Variants in SORCS1 observed in about 807,000 individuals in gnomAD.
SORCS1 encodes the protein VPS10 domain-containing receptor SorCS1.
In SORCS1, 60 loss-of-function variants were observed where a neutral mutation model predicts 146.1. That is an observed-to-expected ratio of 0.41 (90% CI 0.33 to 0.51). The LOEUF (loss-of-function observed/expected upper bound fraction) is 0.51. Among genes scored for constraint, SORCS1 ranks in the 20% least tolerant of loss-of-function variants. The pLI, the probability that SORCS1 is intolerant of heterozygous loss-of-function variation, is 0.21. For missense variants in SORCS1, 1,352 were observed against 1,487.6 expected (o/e 0.91, Z 1.50); for synonymous variants, 637 against 584.0 (o/e 1.09, Z -1.31).
chr10:106,655,321 A>T (rs2135300583), intron 17 of SORCS1, among the ~76,000 whole-genome samples: 1 of 152,292 alleles, frequency 6.6e-6, no homozygotes, highest in South Asian at 2.1e-4. Context: ...ATGACCAGTG[A>T]TGTCACCCAG....
intron 1 of SORCS1, among the ~76,000 whole-genome samples, chr10:107,145,316 T>C (rs951307649): frequency 2.6e-5 from 4 of 152,182 alleles, no homozygotes; most frequent in Non-Finnish European, 4.4e-5. Flanking sequence ...ATGAGGAGCC[T>C]GGAGAAAGGC....
At chr10:106,794,934 C>G (rs1337192347) in intron 3 of SORCS1, among the ~76,000 whole-genome samples, 1 of 152,206 alleles carries the variant, frequency 6.6e-6, no homozygotes, top group African/African-American at 2.4e-5. Context: ...AGATCATAAA[C>G]TTAACCAGGG....
chr10:107,014,160 G>A (rs113441828), intron 1 of SORCS1, among the ~76,000 whole-genome samples: 5,798 of 151,638 alleles, frequency 0.038, 164 homozygotes, highest in Non-Finnish European at 0.053. Context: ...GCTGAGGCAG[G>A]AGAATTGCTT....
intron 1 of SORCS1, among the ~76,000 whole-genome samples, chr10:106,990,170 A>G (rs1213957812): frequency 5.9e-5 from 9 of 152,104 alleles, no homozygotes; most frequent in Non-Finnish European, 1.5e-5. Flanking sequence ...GGAGACTGTT[A>G]CTCTCCTAAC....
chr10:107,099,040 A>C (rs1018393902), intron 1 of SORCS1, among the ~76,000 whole-genome samples: 1 of 152,214 alleles, frequency 6.6e-6, no homozygotes, highest in African/African-American at 2.4e-5. Flanking sequence ...TCCATTAATT[A>C]AGGAAGTTTC....
intron 1 of SORCS1, among the ~76,000 whole-genome samples, chr10:107,081,452 C>T (rs755499946): frequency 2.4e-4 from 36 of 152,310 alleles, no homozygotes; most frequent in South Asian, 1.9e-3. Flanking sequence ...ACAAGACTTT[C>T]CATTTAGAGA....
rs1038845435 is a variant in SORCS1 at position 106,937,265 on chromosome 10, G to A, written c.626+19248C>T. 1.3e-5 allele frequency among the ~76,000 whole-genome samples: 2 copies of A among 151,550 alleles called. 1 individual carries two copies. Among genetic ancestry groups the A allele is most frequent in the Admixed American group, 1.3e-4 (2 of 15,226 alleles). Reference sequence around the variant, plus strand: ...GCTCACTGCACCCTCCGCCTCCCAGGTTCAAGCAATTCTCCTGCCTCAGCC... The same window carrying A: ...GCTCACTGCACCCTCCGCCTCCCAGATTCAAGCAATTCTCCTGCCTCAGCC... On this transcript the variant is annotated intron_variant, in intron 2 of 25. Transcript: ENST00000263054.
chr10:106,994,405 T>G (rs1956909629), intron 1 of SORCS1, among the ~76,000 whole-genome samples: 1 of 152,194 alleles, frequency 6.6e-6, no homozygotes, highest in African/African-American at 2.4e-5. Flanking sequence ...AATTCAGTGC[T>G]AAGTAATCCG....
intron 24 of SORCS1, among the ~76,000 whole-genome samples, chr10:106,590,381 G>A (rs192059534): frequency 2.0e-5 from 3 of 152,172 alleles, no homozygotes; most frequent in East Asian, 3.9e-4. Context: ...CATATGCCCT[G>A]ATAAACTATA....
intron 1 of SORCS1, among the ~76,000 whole-genome samples, chr10:106,964,451 A>T (rs1300743693): frequency 6.7e-6 from 1 of 149,920 alleles, no homozygotes; most frequent in Non-Finnish European, 1.5e-5. Context: ...CTACAGGCAC[A>T]CACCACTATG....
At chr10:106,797,708 C>T (rs993929438) in intron 3 of SORCS1, among the ~76,000 whole-genome samples, 1 of 152,134 alleles carries the variant, frequency 6.6e-6, no homozygotes, top group South Asian at 2.1e-4. Context: ...CCAGCCCCAG[C>T]AGATGGCCAA....
intron 1 of SORCS1, among the ~76,000 whole-genome samples, chr10:106,998,772 T>C (rs1333630354): frequency 6.6e-6 from 1 of 152,164 alleles, no homozygotes; most frequent in Non-Finnish European, 1.5e-5. Context: ...GGTGGTTATA[T>C]CTCCTCTAAA....
At chr10:107,130,393 A>C (rs1400219577) in intron 1 of SORCS1, among the ~76,000 whole-genome samples, 1 of 152,280 alleles carries the variant, frequency 6.6e-6, no homozygotes, top group Non-Finnish European at 1.5e-5. Context: ...GTTTTAAAGT[A>C]GAAAACATAT....
chr10:107,147,154 A>G (rs1221315750), intron 1 of SORCS1, among the ~76,000 whole-genome samples: 1 of 152,182 alleles, frequency 6.6e-6, no homozygotes, highest in Non-Finnish European at 1.5e-5. Context: ...TTAACCTACA[A>G]TTCTTTTTCT....
At chr10:106,925,454 T>C (rs10509825) in intron 2 of SORCS1, among the ~76,000 whole-genome samples, 67,749 of 152,004 alleles carry the variant, frequency 0.45, 16,896 homozygotes, top group Non-Finnish European at 0.56. Context: ...TGAAATTAGC[T>C]TGAAATACAG....
At chr10:106,777,982 T>C (rs1454584404) in intron 3 of SORCS1, among the ~76,000 whole-genome samples, 1 of 152,142 alleles carries the variant, frequency 6.6e-6, no homozygotes, top group African/African-American at 2.4e-5. Flanking sequence ...GATGCTGCAC[T>C]TCCAAGAAAG....
At chr10:107,048,842 A>T (rs931054013) in intron 1 of SORCS1, among the ~76,000 whole-genome samples, 7 of 152,332 alleles carry the variant, frequency 4.6e-5, no homozygotes, top group Non-Finnish European at 7.3e-5. Context: ...ACACAGCCAC[A>T]TGACACTAAG....
chr10:106,994,877 C>T (rs529534659), intron 1 of SORCS1, among the ~76,000 whole-genome samples: 1 of 152,158 alleles, frequency 6.6e-6, no homozygotes, highest in Non-Finnish European at 1.5e-5. Context: ...TGCCCTTCCA[C>T]CGTTTCTGCA....
chr10:106,919,119 G>C (rs968078800), intron 2 of SORCS1, among the ~76,000 whole-genome samples: 5 of 152,318 alleles, frequency 3.3e-5, no homozygotes, highest in Middle Eastern at 3.4e-3. Flanking sequence ...TTATTGGCAT[G>C]AACCACCATG....
Sources: allele counts gnomAD v4.1 joint callset (sites outside exome capture counted in the v4.1 genomes callset), GRCh38; gene constraint gnomAD v4.1.1; transcripts MANE v1.5; gene names NCBI Gene and HGNC (gene_info 2026-07-23, HGNC 2026-07-21).